The following GRHL2 variants were observed in gnomAD, a reference collection of about 807,000 sequenced individuals.
GRHL2 encodes the protein grainyhead like transcription factor 2, also known as grainyhead-like protein 2 homolog.
A neutral mutation model predicts 83.8 loss-of-function variants in GRHL2; 21 were observed. The ratio of observed to expected loss-of-function variants is 0.25; its 90% CI spans 0.18 to 0.36. The LOEUF is 0.36. Among genes scored for constraint, GRHL2 ranks in the 10% least tolerant of loss-of-function variants. The pLI is 1.00. For missense variants in GRHL2, 623 were observed against 781.8 expected (o/e 0.80, Z 2.42); for synonymous variants, 280 against 278.9 (o/e 1.00, Z -0.04).
chr8:101,580,610 G>A (rs753162065), intron 7 of GRHL2, among the ~76,000 whole-genome samples: 3 of 152,094 alleles, frequency 2.0e-5, no homozygotes, highest in East Asian at 1.9e-4. Flanking sequence ...AGAATTTTAC[G>A]CAAGATCACA....
chr8:101,607,997 T>G (rs1812665020), intron 8 of GRHL2, among the ~76,000 whole-genome samples: 1 of 152,246 alleles, frequency 6.6e-6, no homozygotes, highest in Admixed American at 6.5e-5. Flanking sequence ...GTAATTAACA[T>G]GTACAAACTA....
Position 101,644,155 on chromosome 8 carries a change from G to T in GRHL2, c.1542G>T (p.Met514Ile), listed in dbSNP as rs1284330202. The change falls in exon 13 of 16, where the codon ATG (methionine) becomes ATT (isoleucine). Residue 514 changes from methionine (M) to isoleucine (I), a missense_variant. Physicochemically the swap from Met to Ile is conservative, Grantham distance 10. Transcript: ENST00000646743. ...GTGGCAGTGTCCTTGTTAAACGGAT[G>T]TTCCGGCCCATGGAAGAGGAGTTTG... ...REGGSVLVKR[M>I]FRPMEEEFGP... is the part of the protein sequence containing the mutation. 1 of 1,614,086 alleles carries T rather than the reference G, an allele frequency of 6.2e-7. No homozygotes were observed. Among genetic ancestry groups the T allele is most frequent in the African/African-American group, 1.3e-5 (1 of 74,952 alleles).
intron 1 of GRHL2, among the ~76,000 whole-genome samples, chr8:101,537,789 C>A (rs1432623367): frequency 7.2e-5 from 11 of 152,150 alleles, no homozygotes; most frequent in Non-Finnish European, 1.3e-4. Flanking sequence ...TATATCAAGA[C>A]AAAAATTCCA....
At chr8:101,574,784 C>T (rs1811900730) in intron 6 of GRHL2, among the ~76,000 whole-genome samples, 1 of 152,158 alleles carries the variant, frequency 6.6e-6, no homozygotes, top group African/African-American at 2.4e-5. Flanking sequence ...AAGAATATGC[C>T]ATCACAATAA....
chr8:101,649,855 C>T (rs956583833), intron 14 of GRHL2, among the ~76,000 whole-genome samples: 2 of 151,876 alleles, frequency 1.3e-5, no homozygotes, highest in African/African-American at 4.8e-5. Flanking sequence ...TTTCACTGGC[C>T]GTGATGGTGT....
At chr8:101,584,984 T>C (rs1390990955) in intron 7 of GRHL2, among the ~76,000 whole-genome samples, 2 of 151,784 alleles carry the variant, frequency 1.3e-5, no homozygotes, top group Non-Finnish European at 2.9e-5. Flanking sequence ...AGTGGTCAGG[T>C]AGTCAGGTAG....
intron 1 of GRHL2, among the ~76,000 whole-genome samples, chr8:101,503,767 A>T (rs1169913344): frequency 6.6e-6 from 1 of 152,220 alleles, no homozygotes; most frequent in African/African-American, 2.4e-5. Flanking sequence ...TTAATGAAAA[A>T]ATCCTTAATG....
At chr8:101,504,285 T>A (rs946529643) in intron 1 of GRHL2, among the ~76,000 whole-genome samples, 9 of 152,236 alleles carry the variant, frequency 5.9e-5, no homozygotes, top group African/African-American at 2.2e-4. Context: ...CTCCACAACC[T>A]TGTCCTTTTA....
rs1283797402 is a variant in GRHL2, at chr8:101,666,787, A to G, written c.*84A>G. Reference sequence around the variant, plus strand: ...CAGAAGCCCCAGCCCCAGAACCTGGAGACCCATCTCCCCCATCTCACAACT... The same window carrying G: ...CAGAAGCCCCAGCCCCAGAACCTGGGGACCCATCTCCCCCATCTCACAACT... On this transcript the variant is annotated 3_prime_UTR_variant, in exon 16 of 16. Transcript: ENST00000646743. 4.8e-6 allele frequency: 4 copies of G among 832,822 alleles called. No homozygotes were observed. Among genetic ancestry groups the G allele is most frequent in the Non-Finnish European group, 8.3e-6 (4 of 480,782 alleles). The allele number at this position is 832,822 out of a possible 1,614,324, so 51.6% of individuals were successfully genotyped here.
At chr8:101,497,176 C>T (rs150292575) in intron 1 of GRHL2, among the ~76,000 whole-genome samples, 5 of 152,306 alleles carry the variant, frequency 3.3e-5, no homozygotes, top group Admixed American at 6.5e-5. Context: ...TAAGTGCACA[C>T]ACTCTGGAGG....
chr8:101,497,016 G>A (rs1287543446), intron 1 of GRHL2, among the ~76,000 whole-genome samples: 1 of 152,180 alleles, frequency 6.6e-6, no homozygotes, highest in East Asian at 1.9e-4. Context: ...AGTGGTCTTG[G>A]TAATCAAGAG....
At chr8:101,575,566 ATT>A (rs1811917277) in intron 6 of GRHL2, among the ~76,000 whole-genome samples, 1 of 152,074 alleles carries the variant, frequency 6.6e-6, no homozygotes, top group African/African-American at 2.4e-5. Flanking sequence ...ATCAGCATTT[ATT>A]TCTGAGAACA....
intron 10 of GRHL2, 43 bp downstream of exon 10, chr8:101,631,767 G>A (rs1813190296): frequency 1.3e-6 from 2 of 1,506,706 alleles, no homozygotes; most frequent in Non-Finnish European, 1.8e-6. Context: ...AAGACTCCAG[G>A]TGGGCTGTGT....
chr8:101,603,353 AAACC>A (rs1812558813), intron 8 of GRHL2, among the ~76,000 whole-genome samples: 1 of 151,578 alleles, frequency 6.6e-6, no homozygotes. Flanking sequence ...AAAAAACAAA[AAACC>A]AATCCGGTAT....
At chr8:101,650,121 A>C (rs1367120156) in intron 14 of GRHL2, among the ~76,000 whole-genome samples, 1 of 152,164 alleles carries the variant, frequency 6.6e-6, no homozygotes, top group Non-Finnish European at 1.5e-5. Context: ...CCATACAACT[A>C]TATTGTAGAA....
chr8:101,665,226 G>C (rs577076566), intron 15 of GRHL2, among the ~76,000 whole-genome samples: 1 of 152,096 alleles, frequency 6.6e-6, no homozygotes. Flanking sequence ...TAGCTTCCAC[G>C]TTCTGCCGTC....
rs756651523 is a variant in GRHL2, at chr8:101,552,735, G to A, written c.237G>A (p.Leu79=). 6.2e-7 allele frequency: 1 copy of A among 1,614,136 alleles called. No homozygotes were observed. The highest frequency in any genetic ancestry group is 1.1e-5 in the South Asian group (1 of 91,082). The stretch of plus-strand genomic sequence containing the variant: ...TCCAGGTTCCTCGAGACAAGAGGCT[G>A]CTGTCTGTAAGCAAAGCAAGTGACA... ...DYYKVPRDKR[L]LSVSKASDSQ... Residue 79 remains leucine (L), a synonymous_variant, in exon 3 of 16, where the codon CTG becomes CTA. Transcript: ENST00000646743.
chr8:101,501,621 G>C (rs1010440561), intron 1 of GRHL2, among the ~76,000 whole-genome samples: 11 of 152,142 alleles, frequency 7.2e-5, no homozygotes, highest in African/African-American at 2.7e-4. Flanking sequence ...CCTAGGGTGC[G>C]ACAGCATGTG....
chr8:101,655,457 A>T (rs1164563759), intron 14 of GRHL2, among the ~76,000 whole-genome samples: 1 of 152,242 alleles, frequency 6.6e-6, no homozygotes, highest in African/African-American at 2.4e-5. Context: ...CACAACAAAG[A>T]GGAATGTAAT....
Sources: gnomAD v4.1 joint callset for allele counts (sites outside exome capture counted in the v4.1 genomes callset) on GRCh38, gnomAD v4.1.1 for gene constraint, MANE v1.5 for transcripts, NCBI Gene and HGNC (gene_info 2026-07-23, HGNC 2026-07-21) for gene names.